Variants in MAST1 observed in about 807,000 individuals in gnomAD.
The protein encoded by MAST1 is microtubule-associated serine/threonine-protein kinase 1.
MAST1 carries 40 observed loss-of-function variants against 124.6 expected under a neutral mutation model. The observed-to-expected ratio is 0.32, with a 90% CI of 0.25 to 0.42. The LOEUF (loss-of-function observed/expected upper bound fraction) is 0.42. Ranked by LOEUF, MAST1 falls within the 10% of genes least tolerant of loss-of-function variation. MAST1 has a pLI of 1.00. For synonymous variants in MAST1, 938 were observed against 939.4 expected, an observed-to-expected ratio of 1.00 and a Z score of 0.03; for missense variants, 1,558 against 2,181.9, an observed-to-expected ratio of 0.71 and a Z score of 5.70.
At position 12,874,426 on chromosome 19, in the gene MAST1, C is replaced by A; in HGVS notation, c.4269C>A (p.Arg1423=). 6 of 1,598,452 alleles carry A rather than the reference C, an allele frequency of 3.8e-6. No homozygotes were observed. Among genetic ancestry groups the A allele is most frequent in the Non-Finnish European group, 5.1e-6 (6 of 1,178,968 alleles). ...SPVQEHETGR[R]SSSGEAGTPL... is the part of the protein sequence containing the mutation. Reference sequence around the variant, plus strand: ...TGCAGGAACACGAGACAGGCCGGCGCAGCAGCTCTGGCGAGGCGGGCACAC... The same window carrying A: ...TGCAGGAACACGAGACAGGCCGGCGAAGCAGCTCTGGCGAGGCGGGCACAC... The change falls in exon 26 of 26, where the codon CGC becomes CGA. Residue 1423 remains arginine (R), a synonymous_variant. Transcript: ENST00000251472. The surrounding 1 kb of genome is among the most constrained non-coding windows in gnomAD (Gnocchi z 6.6).
At chr19:12,852,593 C>G (rs533947982) in intron 10 of MAST1, among the ~76,000 whole-genome samples, 198 bp downstream of exon 10, 2 of 151,944 alleles carry the variant, frequency 1.3e-5, no homozygotes, top group African/African-American at 4.8e-5. Context: ...AATCCCAGCA[C>G]TTTGGGAGGC....
At position 12,866,372 on chromosome 19, in the gene MAST1, G is replaced by T. The variant is rs1970154106; in HGVS notation, c.2029+270G>T. 6.6e-6 allele frequency among the ~76,000 whole-genome samples: 1 copy of T among 152,156 alleles called. No individual in the cohort carries two copies. Among genetic ancestry groups the T allele is most frequent in the African/African-American group, 2.4e-5 (1 of 41,434 alleles). Reference sequence around the variant, plus strand: ...TGAGTGTGGGCCTGGAACTGAACTAGAGAGAGGTACTAGCGCTCAGAATGG... The same window carrying T: ...TGAGTGTGGGCCTGGAACTGAACTATAGAGAGGTACTAGCGCTCAGAATGG... On this transcript the variant is annotated intron_variant, in intron 17 of 25. Transcript: ENST00000251472. This position sits in a 1 kb window ranked among gnomAD's most constrained non-coding sequence, Gnocchi z 5.2.
intron 12 of MAST1, among the ~76,000 whole-genome samples, chr19:12,861,680 CTCTTTCTTT>C (rs1970084633): frequency 7.0e-6 from 1 of 143,450 alleles, no homozygotes; most frequent in African/African-American, 2.7e-5. Flanking sequence ...TTCTTTTTCT[CTCTTTCTTT>C]CTTTCTTTCT....
rs56114354 is a variant in MAST1, at chr19:12,867,841, C to T, written c.2430C>T (p.Pro810=). The change falls in exon 20 of 26, where the codon CCC becomes CCT. Residue 810 remains proline, a synonymous_variant. Coordinates refer to ENST00000251472, the MANE Select transcript of MAST1 (RefSeq NM_014975.3). ...ALLEPSRFSA[P]QEDEDEARLR... is the part of the protein sequence containing the mutation. ...TGGAGCCCAGCCGCTTCAGCGCCCC[C>T]CAAGAGGACGAGGATGAGGCCCGGC... is the stretch of plus-strand genomic sequence containing the variant. The T allele has an allele frequency of 0.022, 34,585 of 1,603,532 alleles. 423 individuals are homozygous for T. The highest frequency in any genetic ancestry group is 0.025 in the Non-Finnish European group (29,839 of 1,175,610).
chr19:12,861,680 CTCTTTCTTTCTTTCTTTCTTTCTT>C (rs3064403), intron 12 of MAST1, among the ~76,000 whole-genome samples: 319 of 143,576 alleles, frequency 2.2e-3, no homozygotes, highest in African/African-American at 8.2e-3. Flanking sequence ...TTCTTTTTCT[CTCTTTCTTTCTTTCTTTCTTTCTT>C]TCTTTCTTTC....
At position 12,839,495 on chromosome 19, in the gene MAST1, ACAT is replaced by A. The variant is rs370019057; in HGVS notation, c.83+843_83+845del. ...GTATCTCACATACTATGTCACACTG[ACAT>A]CAGGATAAACAGATGTAGGGATCTT... On this transcript the variant is annotated intron_variant, in intron 1 of 25. Coordinates refer to ENST00000251472, the MANE Select transcript of MAST1 (RefSeq NM_014975.3). 1.8e-3 allele frequency among the ~76,000 whole-genome samples: 270 copies of A among 152,342 alleles called. 1 individual carries two copies. Among genetic ancestry groups the A allele is most frequent in the African/African-American group, 6.1e-3 (252 of 41,568 alleles).
In MAST1 at chr19:12,852,005, C is replaced by T; in HGVS notation, c.846C>T (p.Ile282=). The change falls in exon 8 of 26, where the codon ATC becomes ATT. Residue 282 remains isoleucine (I), a synonymous_variant. Coordinates refer to ENST00000251472, the MANE Select transcript of MAST1 (RefSeq NM_014975.3). ...TGGTGAAGAAGTTGCTTATTATCAT[C>T]TCACGCCCTGCGAGGCTGCTGGAGT... The part of the protein sequence containing the change: ...TQLVKKLLII[I]SRPARLLECL... The T allele has an allele frequency of 6.2e-7, 1 of 1,614,118 alleles. No individual in the cohort carries two copies. The highest frequency in any genetic ancestry group is 2.2e-5 in the East Asian group (1 of 44,880).
In MAST1 at chr19:12,874,012, C is replaced by T. The variant is rs558116053; in HGVS notation, c.3855C>T (p.His1285=). 16 of 1,605,816 alleles carry T rather than the reference C, an allele frequency of 1.0e-5. No individual in the cohort carries two copies. In the Admixed American group the frequency reaches 2.2e-4, roughly 22 times the overall value. ...SADKKGALRK[H]SLEVGHPDFR... The stretch of plus-strand genomic sequence containing the variant: ...ACAAGAAGGGCGCGCTGCGCAAACA[C>T]AGCCTCGAGGTGGGCCACCCGGATT... Residue 1285 remains histidine (H), a synonymous_variant, in exon 26 of 26, where the codon CAC becomes CAT. Transcript: ENST00000251472. The surrounding 1 kb of genome is among the most constrained non-coding windows in gnomAD (Gnocchi z 6.6).
Position 12,841,181 on chromosome 19 carries a change from G to A in MAST1, c.248+115G>A. The A allele has an allele frequency of 1.5e-6, 1 of 645,450 alleles. No individual in the cohort carries two copies. The highest frequency in any genetic ancestry group is 2.8e-6 in the Non-Finnish European group (1 of 354,574). The allele number at this position is 645,450 out of a possible 1,614,324, so 40.0% of individuals were successfully genotyped here. A position where few individuals can be genotyped will look rare whatever the true frequency, so the allele number is the denominator to read the frequency against. On this transcript the variant is annotated intron_variant, in intron 3 of 25. Coordinates refer to ENST00000251472, the MANE Select transcript of MAST1 (RefSeq NM_014975.3). The surrounding 1 kb of genome is among the most constrained non-coding windows in gnomAD (Gnocchi z 4.3). The stretch of plus-strand genomic sequence containing the variant: ...CCCGAGCTGGGGCCTGAGGGGACCA[G>A]CGAGTGCCCCAAGGTCTCAGCGGGA...
At chr19:12,868,098 T>G in intron 20 of MAST1, 121 bp downstream of exon 20, 1 of 931,472 alleles carries the variant, frequency 1.1e-6, no homozygotes. Context: ...ACATTGCAAT[T>G]TGGGATTTTT....
intron 24 of MAST1, 177 bp from the exon 25 acceptor site, chr19:12,873,147 G>A (rs1048571478): frequency 1.9e-5 from 12 of 627,672 alleles, no homozygotes; most frequent in Non-Finnish European, 3.3e-5. Context: ...GGACTGAAGT[G>A]GGAGGAGCCA....
intron 21 of MAST1, 41 bp downstream of exon 21, chr19:12,868,890 C>T: frequency 1.3e-6 from 2 of 1,554,406 alleles, no homozygotes; most frequent in Non-Finnish European, 1.7e-6. Context: ...GGCTGCCCCC[C>T]ATTTGAGGCA....
Position 12,869,111 on chromosome 19 carries a change from G to T in MAST1, c.2819G>T (p.Arg940Leu), listed in dbSNP as rs933336228. The T allele has an allele frequency of 1.9e-6, 3 of 1,614,050 alleles. No homozygotes were observed. Among genetic ancestry groups the T allele is most frequent in the Non-Finnish European group, 1.7e-6 (2 of 1,180,046 alleles). Reference sequence around the variant, plus strand: ...CCCCTTGCTAGTCCCATGTCTCCACGATCTCTGTCCTCCAACCCATCCTCA... The same window carrying T: ...CCCCTTGCTAGTCCCATGTCTCCACTATCTCTGTCCTCCAACCCATCCTCA... ...SSPLASPMSP[R>L]SLSSNPSSRD... The change falls in exon 22 of 26, where the codon CGA (arginine) becomes CTA (leucine). Residue 940 changes from arginine to leucine, a missense_variant. Physicochemically the swap from Arg to Leu is moderately radical, Grantham distance 102. This residue lies in a region of MAST1 where 291 missense variants were observed against 475.8 expected (regional missense o/e 0.61). Transcript: ENST00000251472.
At chr19:12,852,295 C>T in intron 9 of MAST1, 33 bp from the exon 10 acceptor site, 1 of 1,614,110 alleles carries the variant, frequency 6.2e-7, no homozygotes. Flanking sequence ...AGGCCCAGAA[C>T]CCAGCTCGTG....
chr19:12,869,593 A>G (rs920815153), intron 22 of MAST1, among the ~76,000 whole-genome samples: 100 of 151,830 alleles, frequency 6.6e-4, no homozygotes, highest in African/African-American at 2.3e-3. Flanking sequence ...GCGCGCCACC[A>G]CGCCCAGCTA....
rs774488003 is a variant in MAST1, at chr19:12,858,641, G to A, written c.1268G>A (p.Arg423His). 1 of 1,614,230 alleles carries A rather than the reference G, an allele frequency of 6.2e-7. No homozygotes were observed. The highest frequency in any genetic ancestry group is 8.5e-7 in the Non-Finnish European group (1 of 1,180,038). Reference sequence around the variant, plus strand: ...CAGATCCAGCAGGCCTTTGTGGAGCGCGATATCCTCACCTTCGCCGAGAAC... The same window carrying A: ...CAGATCCAGCAGGCCTTTGTGGAGCACGATATCCTCACCTTCGCCGAGAAC... ...RNQIQQAFVE[R>H]DILTFAENPF... Residue 423 changes from arginine (R) to histidine (H), a missense_variant, in exon 12 of 26, where the codon CGC becomes CAC. By Grantham distance (29) the Arg-to-His change is conservative. This residue lies in a region of MAST1 where 136 missense variants were observed against 160.9 expected (regional missense o/e 0.85). Transcript: ENST00000251472.
intron 4 of MAST1, among the ~76,000 whole-genome samples, chr19:12,845,578 TG>T (rs1319727920): frequency 6.6e-6 from 1 of 150,670 alleles, no homozygotes; most frequent in African/African-American, 2.4e-5. Context: ...AGAAACACCC[TG>T]TCTCGAAATA....
Position 12,865,402 on chromosome 19 carries a change from C to T in MAST1, c.1725C>T (p.Ile575=). 6.2e-7 allele frequency: 1 copy of T among 1,612,484 alleles called. No individual in the cohort carries two copies. The highest frequency in any genetic ancestry group is 8.5e-7 in the Non-Finnish European group (1 of 1,179,238). Residue 575 remains isoleucine (I), a synonymous_variant, in exon 15 of 26, where the codon ATC becomes ATT. Transcript: ENST00000251472. This position sits in a 1 kb window ranked among gnomAD's most constrained non-coding sequence, Gnocchi z 7.1. ...CAGTGGACTGGTGGGCTATGGGGAT[C>T]ATCCTCTACGAGTTCCTGGTGGGCT... ...GKPVDWWAMG[I]ILYEFLVGCV...
At chr19:12,852,535 G>A in intron 10 of MAST1, 140 bp downstream of exon 10, 1 of 805,204 alleles carries the variant, frequency 1.2e-6, no homozygotes, top group Non-Finnish European at 2.0e-6. Context: ...CCATAAAATG[G>A]GATTAATAAT....
Sources: gnomAD v4.1 joint callset for allele counts (sites outside exome capture counted in the v4.1 genomes callset) on GRCh38, gnomAD v4.1.1 for gene constraint, gnomAD v4.1.1 regional missense constraint, Gnocchi (gnomAD v3.1) non-coding constraint, MANE v1.5 for transcripts, NCBI Gene and HGNC (gene_info 2026-07-23, HGNC 2026-07-21) for gene names.